Variants in WWOX observed in about 807,000 individuals in gnomAD.
WWOX encodes the protein WW domain containing oxidoreductase, also known as WW domain-containing oxidoreductase.
A neutral mutation model predicts 46.2 loss-of-function variants in WWOX; 69 were observed. The observed-to-expected ratio is 1.49, with a 90% CI of 1.23 to 1.82. The LOEUF is 1.82. WWOX is among the 40% of genes most tolerant of loss of function. The probability of loss-of-function intolerance (pLI) is 0.00; values close to 1 mark genes in which losing one functional copy is unlikely to be tolerated. For synonymous variants in WWOX, 359 were observed against 202.6 expected, an observed-to-expected ratio of 1.77 and a Z score of -6.56; for missense variants, 919 against 542.6, an observed-to-expected ratio of 1.69 and a Z score of -6.89.
chr16:78,578,377 C>T (rs1213119016), intron 8 of WWOX, among the ~76,000 whole-genome samples: 1 of 144,856 alleles, frequency 6.9e-6, no homozygotes, highest in Non-Finnish European at 1.5e-5. Context: ...GCAAGCTCCG[C>T]CTCCCGGGTT....
At chr16:79,169,784 AC>A (rs1294841316) in intron 8 of WWOX, among the ~76,000 whole-genome samples, 1 of 152,086 alleles carries the variant, frequency 6.6e-6, no homozygotes, top group Admixed American at 6.5e-5. Flanking sequence ...TCTAGGGACT[AC>A]CCTTTTCCTC....
chr16:78,129,828 T>A (rs1032735237), intron 4 of WWOX, among the ~76,000 whole-genome samples: 4 of 152,120 alleles, frequency 2.6e-5, no homozygotes, highest in Admixed American at 2.6e-4. Context: ...GTTTATGTCT[T>A]CCCCAAAAAT....
At chr16:78,501,748 G>C (rs1965060330) in intron 8 of WWOX, among the ~76,000 whole-genome samples, 1 of 152,182 alleles carries the variant, frequency 6.6e-6, no homozygotes, top group Middle Eastern at 3.4e-3. Flanking sequence ...TGTTGGCCAG[G>C]CTGGTCTCGA....
intron 8 of WWOX, among the ~76,000 whole-genome samples, chr16:78,804,543 C>T (rs376432888): frequency 1.3e-5 from 2 of 152,304 alleles, no homozygotes; most frequent in East Asian, 3.9e-4. Flanking sequence ...TCATTTGGAG[C>T]CTGATGAGAA....
At chr16:78,949,165 T>G (rs1466124572) in intron 8 of WWOX, among the ~76,000 whole-genome samples, 1 of 152,168 alleles carries the variant, frequency 6.6e-6, no homozygotes, top group African/African-American at 2.4e-5. Flanking sequence ...TGGCAGCAGA[T>G]TCTTTCCTGG....
intron 8 of WWOX, among the ~76,000 whole-genome samples, chr16:78,559,993 T>C (rs1274867765): frequency 6.6e-6 from 1 of 152,240 alleles, no homozygotes; most frequent in Non-Finnish European, 1.5e-5. Flanking sequence ...TGGAGTTTGC[T>C]GTTATATTGC....
At position 78,514,897 on chromosome 16, in the gene WWOX, A is replaced by T. The variant is rs751590504; in HGVS notation, c.1056+82145A>T. Among the ~76,000 whole-genome samples the T allele has an allele frequency of 4.6e-5, 7 of 152,302 alleles. No individual in the cohort carries two copies. The South Asian group carries it at 1.5e-3, about 32-fold the overall frequency. ...AGCCCCATAAAGTGAAGTTTCATAT[A>T]TCAGGTAGCAAGATGGCCATGGTCT... On this transcript the variant is annotated intron_variant, in intron 8 of 8. Coordinates refer to ENST00000566780, the MANE Select transcript of WWOX (RefSeq NM_016373.4).
At chr16:79,190,747 G>C (rs1162491108) in intron 8 of WWOX, among the ~76,000 whole-genome samples, 1 of 152,186 alleles carries the variant, frequency 6.6e-6, no homozygotes, top group East Asian at 1.9e-4. Flanking sequence ...AGTTTTATTG[G>C]AACACAGCCA....
chr16:79,083,609 T>C (rs189686742), intron 8 of WWOX, among the ~76,000 whole-genome samples: 10 of 152,330 alleles, frequency 6.6e-5, no homozygotes, highest in Admixed American at 5.9e-4. Flanking sequence ...CAAAATGCAT[T>C]ACAGGCTCTA....
At chr16:78,927,682 T>A (rs935036015) in intron 8 of WWOX, among the ~76,000 whole-genome samples, 2 of 152,210 alleles carry the variant, frequency 1.3e-5, no homozygotes, top group African/African-American at 4.8e-5. Context: ...TTATCAGACT[T>A]AATCAAGCAC....
intron 5 of WWOX, chr16:78,355,834 A>C: frequency 1.5e-6 from 1 of 688,376 alleles, no homozygotes; most frequent in South Asian, 1.4e-5. Context: ...GAGTTGGCTG[A>C]AACAAAGAAT....
intron 8 of WWOX, among the ~76,000 whole-genome samples, chr16:79,055,873 T>C (rs1362583764): frequency 6.6e-6 from 1 of 152,192 alleles, no homozygotes; most frequent in Non-Finnish European, 1.5e-5. Flanking sequence ...GCTCTTTATC[T>C]TCTCTTTATG....
At chr16:79,100,986 G>A (rs949004590) in intron 8 of WWOX, 3 of 152,664 alleles carry the variant, frequency 2.0e-5, no homozygotes, top group Non-Finnish European at 4.4e-5. Flanking sequence ...AGGTCTTGTG[G>A]TGGGCAGGGG....
At chr16:78,472,827 A>AG in intron 8 of WWOX, among the ~76,000 whole-genome samples, 1 of 150,908 alleles carries the variant, frequency 6.6e-6, no homozygotes, top group East Asian at 2.0e-4. Flanking sequence ...AAAAAAAAAA[A>AG]AAAAAAAAAT....
At chr16:78,408,793 T>C (rs2082606752) in intron 6 of WWOX, among the ~76,000 whole-genome samples, 1 of 151,592 alleles carries the variant, frequency 6.6e-6, no homozygotes, top group South Asian at 2.1e-4. Flanking sequence ...CTTTGGGAGG[T>C]AGGAAGGGTT....
chr16:79,185,090 CTG>C (rs1315315593), intron 8 of WWOX, among the ~76,000 whole-genome samples: 1 of 152,200 alleles, frequency 6.6e-6, no homozygotes, highest in East Asian at 1.9e-4. Flanking sequence ...ATAAGAAAAA[CTG>C]TGGATGAATT....
chr16:78,774,173 C>T (rs1048390149), intron 8 of WWOX, among the ~76,000 whole-genome samples: 9 of 152,102 alleles, frequency 5.9e-5, no homozygotes, highest in Non-Finnish European at 1.3e-4. Context: ...GAGGCCAAGG[C>T]AGGCAGATCA....
At chr16:79,148,497 G>C (rs1416220079) in intron 8 of WWOX, among the ~76,000 whole-genome samples, 2 of 152,132 alleles carry the variant, frequency 1.3e-5, no homozygotes, top group South Asian at 2.1e-4. Context: ...CAGGTAGAGT[G>C]ATTCTTCTCA....
At chr16:78,991,222 A>G (rs1384948774) in intron 8 of WWOX, among the ~76,000 whole-genome samples, 1 of 152,190 alleles carries the variant, frequency 6.6e-6, no homozygotes, top group Non-Finnish European at 1.5e-5. Context: ...AGTCACCCTG[A>G]ACTATTTCTT....
Sources: gnomAD v4.1 joint callset for allele counts (sites outside exome capture counted in the v4.1 genomes callset) on GRCh38, gnomAD v4.1.1 for gene constraint, MANE v1.5 for transcripts, NCBI Gene and HGNC (gene_info 2026-07-23, HGNC 2026-07-21) for gene names.